The following PTPRS variants were observed in gnomAD, a reference collection of about 807,000 sequenced individuals.
PTPRS encodes the protein protein tyrosine phosphatase receptor type S.
PTPRS carries 63 observed loss-of-function variants against 215.3 expected under a neutral mutation model. The ratio of observed to expected loss-of-function variants is 0.29; its 90% CI spans 0.24 to 0.36. The LOEUF is 0.36. Ranked by LOEUF, PTPRS falls within the 10% of genes least tolerant of loss-of-function variation. The pLI is 1.00. For synonymous variants in PTPRS, 1,404 were observed against 1,191.4 expected, an observed-to-expected ratio of 1.18 and a Z score of -3.68; for missense variants, 2,258 against 2,825.8, an observed-to-expected ratio of 0.80 and a Z score of 4.56.
Position 5,223,170 on chromosome 19 carries a change from G to A in PTPRS, c.2622C>T (p.Asp874=). ...ACTCCAGGGTGGCCAGGGGCGTCGA[G>A]TCCTCACGGCCAAACTGCAGGCGGT... is the stretch of plus-strand genomic sequence containing the variant. ...LGYRLQFGRE[D]STPLATLEFP... is the part of the protein sequence containing the mutation. The change falls in exon 18 of 38, where the codon GAC becomes GAT. Residue 874 remains aspartate, a synonymous_variant. Coordinates refer to ENST00000262963, the MANE Select transcript of PTPRS (RefSeq NM_002850.4). 1 of 1,566,528 alleles carries A rather than the reference G, an allele frequency of 6.4e-7. No homozygotes were observed. Among genetic ancestry groups the A allele is most frequent in the South Asian group, 1.2e-5 (1 of 85,038 alleles).
intron 1 of PTPRS, among the ~76,000 whole-genome samples, chr19:5,332,012 G>A (rs899993810): frequency 2.6e-5 from 4 of 152,150 alleles, no homozygotes; most frequent in Non-Finnish European, 5.9e-5. Context: ...GGCAATGGAG[G>A]TGTCAGAAGT....
intron 2 of PTPRS, chr19:5,277,691 C>CAAAAA (rs1568549717): frequency 1.5e-5 from 8 of 541,654 alleles, no homozygotes; most frequent in African/African-American, 3.9e-5. Context: ...CTCCCTTCCT[C>CAAAAA]GGCGCTGCCT....
chr19:5,278,827 A>T (rs1018846122), intron 2 of PTPRS, among the ~76,000 whole-genome samples: 6 of 152,060 alleles, frequency 3.9e-5, no homozygotes, highest in Non-Finnish European at 5.9e-5. Flanking sequence ...ATATATTATT[A>T]AATGGAGGAG....
chr19:5,240,747 G>C (rs961467912), intron 11 of PTPRS, among the ~76,000 whole-genome samples: 2 of 151,588 alleles, frequency 1.3e-5, no homozygotes, highest in African/African-American at 4.8e-5. Flanking sequence ...GCTGAGGCAG[G>C]AGAATGGTGC....
At chr19:5,281,987 T>C (rs2047890309) in intron 2 of PTPRS, among the ~76,000 whole-genome samples, 1 of 152,130 alleles carries the variant, frequency 6.6e-6, no homozygotes, top group Admixed American at 6.5e-5. Flanking sequence ...CTTCTTGGAT[T>C]ACTGCAGGCC....
intron 1 of PTPRS, among the ~76,000 whole-genome samples, chr19:5,311,973 G>A (rs1186533767): frequency 1.3e-5 from 2 of 152,024 alleles, no homozygotes; most frequent in African/African-American, 2.4e-5. Context: ...CCGGGAGGCG[G>A]AGCTTGCAGT....
intron 28 of PTPRS, 63 bp downstream of exon 28, chr19:5,215,226 T>A (rs2041312478): frequency 6.3e-7 from 1 of 1,593,966 alleles, no homozygotes; most frequent in Admixed American, 1.7e-5. Flanking sequence ...AGGGGAGACA[T>A]GGGATCTAGC....
rs748434836 is a variant in PTPRS at position 5,257,026 on chromosome 19, G to A, written c.707-907C>T. On this transcript the variant is annotated intron_variant, in intron 8 of 37. Coordinates refer to ENST00000262963, the MANE Select transcript of PTPRS (RefSeq NM_002850.4). The surrounding 1 kb of genome is among the most constrained non-coding windows in gnomAD (Gnocchi z 4.4). ...AGCCCTAGGGATTGAAGGGCGCCCT[G>A]GCATCCTGGCAGAAGCTGTTTCTAC... Among the ~76,000 whole-genome samples, 4 of 151,682 alleles carry A rather than the reference G, an allele frequency of 2.6e-5. No homozygotes were observed. The highest frequency in any genetic ancestry group is 4.8e-5 in the African/African-American group (2 of 41,262).
At chr19:5,239,561 G>C (rs1170771929) in intron 12 of PTPRS, among the ~76,000 whole-genome samples, 3 of 151,078 alleles carry the variant, frequency 2.0e-5, no homozygotes, top group African/African-American at 7.3e-5. Context: ...TACAGAGATA[G>C]ACACACAGAG....
At chr19:5,261,932 C>T (rs2046026544) in intron 6 of PTPRS, among the ~76,000 whole-genome samples, 1 of 152,168 alleles carries the variant, frequency 6.6e-6, no homozygotes, top group Admixed American at 6.5e-5. Context: ...TCCAGGCTGG[C>T]CTTTGCTAGG....
At chr19:5,275,314 C>T (rs774655228) in intron 2 of PTPRS, among the ~76,000 whole-genome samples, 2 of 151,996 alleles carry the variant, frequency 1.3e-5, no homozygotes, top group Non-Finnish European at 2.9e-5. Flanking sequence ...TCATGATCTG[C>T]CTGCCTTCGC....
In PTPRS at chr19:5,277,912, T is replaced by C. The variant is rs562347600; in HGVS notation, c.92-3568A>G. ...CCAGATCTTGATGCCCAACAGTGGT[T>C]ACGGGAGCAACAAAAAACAAAGCAC... On this transcript the variant is annotated intron_variant, in intron 2 of 37. Coordinates refer to ENST00000262963, the MANE Select transcript of PTPRS (RefSeq NM_002850.4). 6.8e-4 allele frequency: 927 copies of C among 1,370,862 alleles called. 9 individuals are homozygous for C. The African/African-American group carries it at 0.01, about 15-fold the overall frequency. The allele number at this position is 1,370,862 out of a possible 1,614,324, so 84.9% of individuals were successfully genotyped here. A position where few individuals can be genotyped will look rare whatever the true frequency, so the allele number is the denominator to read the frequency against.
intron 1 of PTPRS, among the ~76,000 whole-genome samples, chr19:5,318,231 C>G (rs920638044): frequency 6.6e-6 from 1 of 151,688 alleles, no homozygotes; most frequent in Non-Finnish European, 1.5e-5. Flanking sequence ...GTCCCAGCTA[C>G]TCTAGAGGCT....
At chr19:5,311,047 T>C (rs2049685523) in intron 1 of PTPRS, among the ~76,000 whole-genome samples, 1 of 152,032 alleles carries the variant, frequency 6.6e-6, no homozygotes, top group African/African-American at 2.4e-5. Context: ...GCCCAGCTAA[T>C]TTTTTTTATT....
intron 9 of PTPRS, among the ~76,000 whole-genome samples, chr19:5,251,494 C>A (rs1197908678): frequency 2.7e-5 from 4 of 147,892 alleles, no homozygotes; most frequent in Non-Finnish European, 4.5e-5. Flanking sequence ...TCCCCCAGTT[C>A]TGGCCAATCC....
At chr19:5,234,816 T>C (rs1388956839) in intron 13 of PTPRS, among the ~76,000 whole-genome samples, 1 of 152,198 alleles carries the variant, frequency 6.6e-6, no homozygotes, top group Non-Finnish European at 1.5e-5. Context: ...AAGCACCTAT[T>C]GTGTGCCAGG....
intron 1 of PTPRS, among the ~76,000 whole-genome samples, chr19:5,335,869 G>C (rs1197306890): frequency 6.6e-6 from 1 of 151,970 alleles, no homozygotes; most frequent in Admixed American, 6.6e-5. Flanking sequence ...ATATCCCCTC[G>C]GCCTCTGCGG....
Position 5,286,173 on chromosome 19 carries a change from G to C in PTPRS, c.-33C>G, listed in dbSNP as rs759603752. The C allele has an allele frequency of 1.9e-6, 3 of 1,609,140 alleles. No individual in the cohort carries two copies. The highest frequency in any genetic ancestry group is 2.5e-6 in the Non-Finnish European group (3 of 1,177,912). On this transcript the variant is annotated 5_prime_UTR_variant, in exon 2 of 38. Coordinates refer to ENST00000262963, the MANE Select transcript of PTPRS (RefSeq NM_002850.4). ...AGCGACCTCCGATCTCCGCCCTGGA[G>C]GGGGATGGCCCCCCGGTCCCTCACA...
Position 5,244,906 on chromosome 19 carries a change from G to A in PTPRS, c.989-424C>T, listed in dbSNP as rs185522695. On this transcript the variant is annotated intron_variant, in intron 10 of 37. Transcript: ENST00000262963. This position sits in a 1 kb window ranked among gnomAD's most constrained non-coding sequence, Gnocchi z 7.2. ...GATGGTCTCGATCTCCTGACCTCGT[G>A]ATCCGCCCGCCTCGGCCTCCCGAAG... is the stretch of plus-strand genomic sequence containing the variant. Among the ~76,000 whole-genome samples the A allele has an allele frequency of 8.8e-4, 134 of 152,022 alleles. No homozygotes were observed. Among genetic ancestry groups the A allele is most frequent in the Middle Eastern group, 3.4e-3 (1 of 290 alleles).
Sources: gnomAD v4.1 joint callset for allele counts (sites outside exome capture counted in the v4.1 genomes callset) on GRCh38, gnomAD v4.1.1 for gene constraint, Gnocchi (gnomAD v3.1) non-coding constraint, MANE v1.5 for transcripts, NCBI Gene and HGNC (gene_info 2026-07-23, HGNC 2026-07-21) for gene names.